Variants in SLC24A3 observed in about 807,000 individuals in gnomAD.
SLC24A3 encodes the protein solute carrier family 24 member 3, also known as sodium/potassium/calcium exchanger 3.
SLC24A3 carries 28 observed loss-of-function variants against 75.8 expected under a neutral mutation model. The observed-to-expected ratio is 0.37, with a 90% CI of 0.27 to 0.51. SLC24A3 has a LOEUF of 0.51. Ranked by LOEUF, SLC24A3 falls within the 20% of genes least tolerant of loss-of-function variation. SLC24A3 has a pLI of 0.94. For synonymous variants in SLC24A3, 372 were observed against 334.1 expected, an observed-to-expected ratio of 1.11 and a Z score of -1.24; for missense variants, 663 against 847.8, an observed-to-expected ratio of 0.78 and a Z score of 2.71.
chr20:19,671,108 G>A (rs756774784), intron 8 of SLC24A3, among the ~76,000 whole-genome samples: 1 of 152,186 alleles, frequency 6.6e-6, no homozygotes, highest in Admixed American at 6.5e-5. Flanking sequence ...AGTCGGGCAG[G>A]GGCAGGCAGG....
rs73283598 is a variant in SLC24A3 at position 19,650,884 on chromosome 20, C to G, written c.613-3178C>G. Reference sequence around the variant, plus strand: ...AGAGCTCTCCAATCTTCTTTCTGTACGTTCAAAATTATCAACTGTTTCATC... The same window carrying G: ...AGAGCTCTCCAATCTTCTTTCTGTAGGTTCAAAATTATCAACTGTTTCATC... On this transcript the variant is annotated intron_variant, in intron 6 of 16. Transcript: ENST00000328041. Among the ~76,000 whole-genome samples the G allele has an allele frequency of 7.0e-3, 1,061 of 152,202 alleles. 14 individuals are homozygous for G. Among genetic ancestry groups the G allele is most frequent in the African/African-American group, 0.024 (1,011 of 41,516 alleles).
intron 2 of SLC24A3, among the ~76,000 whole-genome samples, chr20:19,485,524 G>A (rs59874615): frequency 0.026 from 4,017 of 152,304 alleles, 146 homozygotes; most frequent in African/African-American, 0.081. Context: ...ATCTGGGCCA[G>A]GAGTTGGGCG....
At chr20:19,389,630 G>A (rs1986333569) in intron 2 of SLC24A3, among the ~76,000 whole-genome samples, 1 of 151,834 alleles carries the variant, frequency 6.6e-6, no homozygotes, top group Non-Finnish European at 1.5e-5. Flanking sequence ...GTGGCAATTT[G>A]CTTTTCTCTT....
chr20:19,693,965 T>C (rs2032775997), intron 13 of SLC24A3: 1 of 152,540 alleles, frequency 6.6e-6, no homozygotes, highest in Non-Finnish European at 1.5e-5. Context: ...GCAAAGGACA[T>C]GGAGGAAAGG....
chr20:19,696,615 C>T (rs1475769403), intron 13 of SLC24A3, 182 bp from the exon 14 acceptor site: 2 of 495,448 alleles, frequency 4.0e-6, no homozygotes, highest in African/African-American at 3.8e-5. Context: ...CGTCCCCTGA[C>T]CTGCAGCCCC....
At chr20:19,273,982 G>C (rs893040499) in intron 1 of SLC24A3, among the ~76,000 whole-genome samples, 4 of 150,970 alleles carry the variant, frequency 2.6e-5, no homozygotes, top group Non-Finnish European at 5.9e-5. Flanking sequence ...AAGGCGAAGA[G>C]GGGAGAAGGC....
chr20:19,607,589 C>A (rs62200272), intron 6 of SLC24A3, among the ~76,000 whole-genome samples: 1 of 152,216 alleles, frequency 6.6e-6, no homozygotes, highest in Non-Finnish European at 1.5e-5. Context: ...TGTCACTCAG[C>A]CTTTAAGCCT....
chr20:19,459,206 A>G (rs1269441223), intron 2 of SLC24A3, among the ~76,000 whole-genome samples: 3 of 152,198 alleles, frequency 2.0e-5, no homozygotes, highest in Non-Finnish European at 4.4e-5. Context: ...ATATACATAC[A>G]GATATATTTT....
At chr20:19,417,958 G>C (rs913798523) in intron 2 of SLC24A3, among the ~76,000 whole-genome samples, 3 of 152,178 alleles carry the variant, frequency 2.0e-5, no homozygotes, top group African/African-American at 7.2e-5. Context: ...AAACCAATCT[G>C]CTCAAAACAA....
intron 1 of SLC24A3, among the ~76,000 whole-genome samples, chr20:19,247,306 A>C (rs1193144537): frequency 6.6e-6 from 1 of 152,198 alleles, no homozygotes; most frequent in East Asian, 1.9e-4. Context: ...CCACTCTCCT[A>C]CCTACCCTCG....
At chr20:19,389,564 C>T (rs1424127462) in intron 2 of SLC24A3, among the ~76,000 whole-genome samples, 1 of 151,976 alleles carries the variant, frequency 6.6e-6, no homozygotes, top group Non-Finnish European at 1.5e-5. Flanking sequence ...TCTTTCCTGA[C>T]CTCCAAAGTT....
At chr20:19,581,630 T>C (rs749843388) in intron 4 of SLC24A3, among the ~76,000 whole-genome samples, 6 of 152,212 alleles carry the variant, frequency 3.9e-5, no homozygotes, top group Non-Finnish European at 7.3e-5. Flanking sequence ...AACAGTGTGG[T>C]GTGACTATGT....
At chr20:19,327,703 T>C (rs1402598702) in intron 2 of SLC24A3, among the ~76,000 whole-genome samples, 1 of 152,236 alleles carries the variant, frequency 6.6e-6, no homozygotes, top group Non-Finnish European at 1.5e-5. Context: ...CCTGTGGCTT[T>C]CTTGGTTTCC....
chr20:19,328,853 T>TC (rs1467183662), intron 2 of SLC24A3, among the ~76,000 whole-genome samples: 1 of 152,138 alleles, frequency 6.6e-6, no homozygotes, highest in East Asian at 1.9e-4. Flanking sequence ...TGGAGGGGAT[T>TC]CCCCACAGGA....
At chr20:19,680,231 T>C (rs796581932) in intron 9 of SLC24A3, among the ~76,000 whole-genome samples, 4 of 152,108 alleles carry the variant, frequency 2.6e-5, no homozygotes, top group African/African-American at 9.6e-5. Flanking sequence ...TGTTCTTTGA[T>C]GAAGTTTGGC....
At chr20:19,564,246 C>G (rs1258989196) in intron 3 of SLC24A3, among the ~76,000 whole-genome samples, 1 of 152,252 alleles carries the variant, frequency 6.6e-6, no homozygotes, top group Non-Finnish European at 1.5e-5. Context: ...ATCTGATGAA[C>G]CAGTAGAGGT....
intron 2 of SLC24A3, among the ~76,000 whole-genome samples, chr20:19,361,774 T>G (rs1439541590): frequency 6.6e-6 from 1 of 152,254 alleles, no homozygotes; most frequent in Non-Finnish European, 1.5e-5. Flanking sequence ...TAGTTAAATA[T>G]ATTTGTGAAA....
At chr20:19,638,311 C>A (rs2032026228) in intron 6 of SLC24A3, among the ~76,000 whole-genome samples, 1 of 152,086 alleles carries the variant, frequency 6.6e-6, no homozygotes, top group African/African-American at 2.4e-5. Flanking sequence ...TAAATAAGAA[C>A]TAAAAGACTC....
At chr20:19,222,783 CCCTTCCTT>C (rs71198012) in intron 1 of SLC24A3, among the ~76,000 whole-genome samples, 62 of 75,858 alleles carry the variant, frequency 8.2e-4, no homozygotes, top group Middle Eastern at 5.7e-3. Flanking sequence ...TCCCCTCCCT[CCCTTCCTT>C]CCTTCCTTCC....
Sources: gnomAD v4.1 joint callset for allele counts (sites outside exome capture counted in the v4.1 genomes callset) on GRCh38, gnomAD v4.1.1 for gene constraint, MANE v1.5 for transcripts, NCBI Gene and HGNC (gene_info 2026-07-23, HGNC 2026-07-21) for gene names.